ZNF831: variants seen among roughly 807,000 people sequenced by gnomAD.
ZNF831 encodes the protein zinc finger protein 831, also known as chromosome 20 open reading frame 174.
A neutral mutation model predicts 95.8 loss-of-function variants in ZNF831; 59 were observed. The ratio of observed to expected loss-of-function variants is 0.62; its 90% CI spans 0.50 to 0.77. The LOEUF is 0.77. Ranked by LOEUF, ZNF831 falls within the 30% of genes least tolerant of loss-of-function variation. The pLI, the probability that ZNF831 is intolerant of heterozygous loss-of-function variation, is 0.00. For synonymous variants in ZNF831, 961 were observed against 925.5 expected (o/e 1.04, Z -0.70); for missense variants, 2,205 against 2,164.0 (o/e 1.02, Z -0.38).
rs1449653107 is a variant in ZNF831 at position 59,148,708 on chromosome 20, AAAAAAAAAAAAAAAAAG to A, written c.-1281+2337_-1281+2353del. Reference sequence around the variant, plus strand: ...AAAAAAAAAAAAAAAAAAAAAAAAAAAAAAAAAAAAAAAAAAGAACAGAGCGTGAGAGCAAGCAGGGT... The same window carrying A: ...AAAAAAAAAAAAAAAAAAAAAAAAAAAACAGAGCGTGAGAGCAAGCAGGGT... On this transcript the variant is annotated intron_variant, in intron 2 of 7. Coordinates refer to the ZNF831 transcript ENST00000637017. 1.5e-3 allele frequency among the ~76,000 whole-genome samples: 138 copies of A among 90,862 alleles called. 15 individuals carry two copies. Among genetic ancestry groups the A allele is most frequent in the Non-Finnish European group, 2.0e-3 (80 of 39,698 alleles). 59.6% of individuals were successfully genotyped at this position (90,862 alleles called of 152,430 possible).
chr20:59,185,148 A>G lies in ZNF831; in HGVS notation c.-36-5836A>G, dbSNP rs571729343. Among the ~76,000 whole-genome samples the G allele has an allele frequency of 2.0e-5, 3 of 152,212 alleles. No homozygotes were observed. The South Asian group carries it at 6.2e-4, about 32-fold the overall frequency. ...GGCCCCCAGCTTCCCCATCAGTCCA[A>G]TGGGGACAATAGGACTTGCCATCTC... On this transcript the variant is annotated intron_variant, in intron 1 of 5. Coordinates refer to ENST00000371030, the MANE Select transcript of ZNF831 (RefSeq NM_178457.3).
At chr20:59,232,116 G>A (rs1164305866) in intron 4 of ZNF831, among the ~76,000 whole-genome samples, 2 of 152,122 alleles carry the variant, frequency 1.3e-5, no homozygotes, top group East Asian at 3.9e-4. Context: ...CTGGCACAAG[G>A]AATACACAAA....
At chr20:59,126,246 CTT>C (rs1979167980) in intron 1 of ZNF831, among the ~76,000 whole-genome samples, 1 of 152,200 alleles carries the variant, frequency 6.6e-6, no homozygotes, top group Non-Finnish European at 1.5e-5. Context: ...GTCAATTCCT[CTT>C]TACCCTCCAA....
rs538457403 is a variant in ZNF831, at chr20:59,230,956, C to G, written c.4028-22022C>G. 6.4e-4 allele frequency among the ~76,000 whole-genome samples: 97 copies of G among 152,316 alleles called. 2 individuals are homozygous for G. In the South Asian group the frequency reaches 8.5e-3, roughly 13 times the overall value. On this transcript the variant is annotated intron_variant, in intron 4 of 5. Transcript: ENST00000371030. ...GGAAGCTCCATTGTGTGCTGGAGGC[C>G]AGGTTTCTTCTGTCCTGTTCCTCTG...
chr20:59,125,656 G>A (rs1979149975), intron 1 of ZNF831, among the ~76,000 whole-genome samples: 1 of 152,210 alleles, frequency 6.6e-6, no homozygotes, highest in African/African-American at 2.4e-5. Context: ...TCTCAGCTGT[G>A]TCAAGGAATT....
chr20:59,245,841 CTG>C (rs1987567597), intron 4 of ZNF831, among the ~76,000 whole-genome samples: 1 of 152,160 alleles, frequency 6.6e-6, no homozygotes, highest in South Asian at 2.1e-4. Context: ...GAGAAAGTAT[CTG>C]AGAGGAAAAA....
At chr20:59,240,784 A>G (rs1405921474) in intron 4 of ZNF831, among the ~76,000 whole-genome samples, 1 of 152,234 alleles carries the variant, frequency 6.6e-6, no homozygotes, top group African/African-American at 2.4e-5. Context: ...CCTGGGCGAC[A>G]GAGCGAGCCT....
chr20:59,198,393 C>G (rs923044093), intron 3 of ZNF831, among the ~76,000 whole-genome samples: 3 of 152,258 alleles, frequency 2.0e-5, no homozygotes, highest in African/African-American at 7.2e-5. Flanking sequence ...ATGGCAACAG[C>G]CAGATGGAGA....
In ZNF831 at chr20:59,192,087, G is replaced by T. The variant is rs767543404; in HGVS notation, c.1068G>T (p.Pro356=). 6.2e-7 allele frequency: 1 copy of T among 1,601,604 alleles called. No individual in the cohort carries two copies. The highest frequency in any genetic ancestry group is 8.5e-7 in the Non-Finnish European group (1 of 1,177,198). ...YLSRSDSAEQ[P]HAPCSPLHSL... The stretch of plus-strand genomic sequence containing the variant: ...CGCGCTCCGACAGCGCGGAGCAGCC[G>T]CATGCGCCCTGCAGCCCCCTGCACA... Residue 356 remains proline (P), a synonymous_variant, in exon 2 of 6, where the codon CCG becomes CCT. Coordinates refer to ENST00000371030, the MANE Select transcript of ZNF831 (RefSeq NM_178457.3). The surrounding 1 kb of genome is among the most constrained non-coding windows in gnomAD (Gnocchi z 5.2).
At chr20:59,226,603 AAT>A (rs1986447532) in intron 4 of ZNF831, among the ~76,000 whole-genome samples, 1 of 151,418 alleles carries the variant, frequency 6.6e-6, no homozygotes, top group Admixed American at 6.6e-5. Context: ...GCCAACCCGA[AAT>A]ATATAAAGAT....
At chr20:59,234,128 G>C (rs1395683660) in intron 4 of ZNF831, among the ~76,000 whole-genome samples, 2 of 152,216 alleles carry the variant, frequency 1.3e-5, no homozygotes, top group Admixed American at 1.3e-4. Context: ...GGCAGGTGGG[G>C]CTTGTCTTTA....
rs764742828 is a variant in ZNF831 at position 59,191,116 on chromosome 20, C to A, written c.97C>A (p.Pro33Thr). The change falls in exon 2 of 6, where the codon CCT becomes ACT. Residue 33 changes from proline to threonine, a missense_variant. Coordinates refer to ENST00000371030, the MANE Select transcript of ZNF831 (RefSeq NM_178457.3). ...PPGAPGGQAS[P>T]HLTLGPVLLP... ...AGGGGCCCCAGGTGGCCAGGCCTCA[C>A]CTCACCTGACCCTGGGCCCTGTCCT... The A allele has an allele frequency of 6.3e-7, 1 of 1,594,734 alleles. No individual in the cohort carries two copies. The highest frequency in any genetic ancestry group is 8.5e-7 in the Non-Finnish European group (1 of 1,176,024).
At chr20:59,229,749 T>C (rs1460482575) in intron 4 of ZNF831, among the ~76,000 whole-genome samples, 3 of 152,192 alleles carry the variant, frequency 2.0e-5, no homozygotes, top group Non-Finnish European at 4.4e-5. Context: ...CATTTAATTT[T>C]TTGGGTGGCA....
At chr20:59,135,964 A>G (rs1235264616) in intron 1 of ZNF831, among the ~76,000 whole-genome samples, 1 of 152,116 alleles carries the variant, frequency 6.6e-6, no homozygotes, top group Non-Finnish European at 1.5e-5. Context: ...ACGGAGCAAG[A>G]CCCTGTCTCA....
rs377193901 is a variant in ZNF831, at chr20:59,193,183, C to T, written c.2164C>T (p.Arg722Ter). The change falls in exon 2 of 6, where the codon CGA becomes TGA. Residue 722 changes from arginine to a stop codon, truncating the protein, a stop_gained. Transcript: ENST00000371030. LOFTEE classifies it high-confidence loss of function. Reference sequence around the variant, plus strand: ...GGTGGCCAGGAGAGGAGACAGTGACCGACCCAGGGTGGAAGAGGCTGTGTC... The same window carrying T: ...GGTGGCCAGGAGAGGAGACAGTGACTGACCCAGGGTGGAAGAGGCTGTGTC... Reference protein sequence around the residue: ...ETVARRGDSDRPRVEEAVSSP... With the variant: ...ETVARRGDSD 2.7e-5 allele frequency: 42 copies of T among 1,576,596 alleles called. No individual in the cohort carries two copies. Among genetic ancestry groups the T allele is most frequent in the Non-Finnish European group, 3.2e-5 (37 of 1,160,804 alleles).
Position 59,178,554 on chromosome 20 carries a change from A to G in ZNF831, c.-36-12430A>G, listed in dbSNP as rs547853318. 1.2e-4 allele frequency among the ~76,000 whole-genome samples: 19 copies of G among 152,330 alleles called. No homozygotes were observed. The East Asian group carries it at 3.1e-3, about 25-fold the overall frequency. The stretch of plus-strand genomic sequence containing the variant: ...GGGCCATCCTGGGTCAGTGATGGAT[A>G]CTATGCAGTCATTCAGTATAATGGT... On this transcript the variant is annotated intron_variant, in intron 1 of 5. Coordinates refer to ENST00000371030, the MANE Select transcript of ZNF831 (RefSeq NM_178457.3).
intron 1 of ZNF831, among the ~76,000 whole-genome samples, chr20:59,124,779 G>T (rs1219578190): frequency 6.6e-6 from 1 of 152,192 alleles, no homozygotes; most frequent in African/African-American, 2.4e-5. Flanking sequence ...GAATAAAATG[G>T]CTCTTATCGC....
At chr20:59,163,713 CTTTTT>C (rs10708774), upstream of ZNF831, among the ~76,000 whole-genome samples, 1 of 135,796 alleles carries the variant, frequency 7.4e-6, no homozygotes, top group Admixed American at 7.4e-5. Flanking sequence ...AGCGGTGGCT[CTTTTT>C]TTTTTTTTTT....
chr20:59,197,230 C>T (rs1056693350), intron 3 of ZNF831, among the ~76,000 whole-genome samples: 5 of 152,112 alleles, frequency 3.3e-5, no homozygotes, highest in Admixed American at 6.5e-5. Flanking sequence ...AATGGTCTGC[C>T]GGGACCATGT....
Sources: allele counts gnomAD v4.1 joint callset (sites outside exome capture counted in the v4.1 genomes callset), GRCh38; gene constraint gnomAD v4.1.1; non-coding constraint Gnocchi (gnomAD v3.1); transcripts MANE v1.5; gene names NCBI Gene and HGNC (gene_info 2026-07-23, HGNC 2026-07-21).